The following SLFN13 variants were observed in gnomAD, a reference collection of about 807,000 sequenced individuals.
SLFN13 encodes the protein schlafen-13.
A neutral mutation model predicts 50.6 loss-of-function variants in SLFN13; 43 were observed. The observed-to-expected ratio is 0.85, with a 90% CI of 0.67 to 1.09. The LOEUF is 1.09. SLFN13 is among the 50% of genes least tolerant of loss of function. The pLI is 0.00. For missense variants in SLFN13, 881 were observed against 1,071.1 expected, an observed-to-expected ratio of 0.82 and a Z score of 2.48; for synonymous variants, 339 against 386.5, an observed-to-expected ratio of 0.88 and a Z score of 1.44.
At chr17:35,442,396 TA>T in intron 4 of SLFN13, 110 bp from the exon 5 acceptor site, 1 of 1,259,224 alleles carries the variant, frequency 7.9e-7, no homozygotes, top group Non-Finnish European at 1.1e-6. Flanking sequence ...TTGTACAATT[TA>T]ACAGAAATTC....
At position 35,443,931 on chromosome 17, in the gene SLFN13, G is replaced by A. The variant is rs532859622; in HGVS notation, c.1067-11C>T. On this transcript the variant is annotated splice_polypyrimidine_tract_variant and intron_variant, in intron 3 of 5. Transcript: ENST00000285013. ...AGTCTGGAGGAAACTCTGAAAGAAA[G>A]AACATTTTAATTTACACTATATGAT... 7.4e-6 allele frequency: 12 copies of A among 1,611,640 alleles called. No homozygotes were observed. In the African/African-American group the frequency reaches 1.2e-4, roughly 16 times the overall value.
Position 35,439,184 on chromosome 17 carries a change from A to G in SLFN13, c.*1411T>C, listed in dbSNP as rs1156855021. On this transcript the variant is annotated 3_prime_UTR_variant, in exon 6 of 6. Transcript: ENST00000285013. ...AACAAGCTCTCTGGGGTCTCTCCCT[A>G]TAAGGACACCAGTCTTAGCAGATCA... 1 of 152,064 alleles carries G rather than the reference A, an allele frequency of 6.6e-6. No homozygotes were observed. Among genetic ancestry groups the G allele is most frequent in the African/African-American group, 2.4e-5 (1 of 41,402 alleles). The allele number at this position is 152,064 out of a possible 1,614,324, so 9.4% of individuals were successfully genotyped here.
chr17:35,442,218 G>C lies in SLFN13; in HGVS notation c.1267C>G (p.Leu423Val), dbSNP rs1215138700. The change falls in exon 5 of 6, where the codon CTA (leucine) becomes GTA (valine). Residue 423 changes from leucine (L) to valine (V), a missense_variant. This residue lies in a region of SLFN13 where 497 missense variants were observed against 518.3 expected (regional missense o/e 0.96). Coordinates refer to ENST00000285013, the MANE Select transcript of SLFN13 (RefSeq NM_144682.6). ...ATTTGCTTGTGTATTAACTCCTTTA[G>C]TCCTTCATGCTGTAAAGACAGCTCC... is the stretch of plus-strand genomic sequence containing the variant. ...WKELSLQHEG[L>V]KELIHKQMRP... is the part of the protein sequence containing the mutation. 13 of 1,613,566 alleles carry C rather than the reference G, an allele frequency of 8.1e-6. No homozygotes were observed. The highest frequency in any genetic ancestry group is 1.1e-5 in the Non-Finnish European group (13 of 1,179,704).
intron 3 of SLFN13, among the ~76,000 whole-genome samples, chr17:35,444,279 T>C (rs1913074719): frequency 6.6e-6 from 1 of 152,216 alleles, no homozygotes; most frequent in Non-Finnish European, 1.5e-5. Context: ...CAACCAACAC[T>C]AGCTCTTGTC....
chr17:35,444,555 G>A (rs1597807124), intron 3 of SLFN13, 60 bp downstream of exon 3: 2 of 1,422,704 alleles, frequency 1.4e-6, no homozygotes, highest in East Asian at 2.3e-5. Flanking sequence ...GAATAAAGAA[G>A]GAAGTGGTAT....
Position 35,436,783 on chromosome 17 carries a change from G to C in SLFN13, c.*3812C>G, listed in dbSNP as rs1409637350. The C allele has an allele frequency of 1.3e-5, 2 of 152,054 alleles. No homozygotes were observed. The highest frequency in any genetic ancestry group is 2.9e-5 in the Non-Finnish European group (2 of 68,020). 9.4% of individuals were successfully genotyped at this position (152,054 alleles called of 1,614,324 possible). ...TCAATAGTGTCAAAGATATGACAAA[G>C]ACAGATTAACATCTCCAGATTAAAT... On this transcript the variant is annotated 3_prime_UTR_variant, in exon 6 of 6. Coordinates refer to ENST00000285013, the MANE Select transcript of SLFN13 (RefSeq NM_144682.6).
chr17:35,444,174 G>C (rs868270091), intron 3 of SLFN13, among the ~76,000 whole-genome samples: 2 of 152,248 alleles, frequency 1.3e-5, no homozygotes, highest in Middle Eastern at 3.4e-3. Context: ...TTCTTTGCTT[G>C]AATTGCAGTG....
intron 2 of SLFN13, among the ~76,000 whole-genome samples, chr17:35,446,167 G>A (rs1006815201): frequency 6.6e-6 from 1 of 152,192 alleles, no homozygotes; most frequent in Non-Finnish European, 1.5e-5. Context: ...CATTGAAAAG[G>A]AGACTGTAGA....
Position 35,435,680 on chromosome 17 carries a change from C to A in SLFN13, c.*4915G>T, listed in dbSNP as rs1912628352. 1 of 152,070 alleles carries A rather than the reference C, an allele frequency of 6.6e-6. No individual in the cohort carries two copies. The highest frequency in any genetic ancestry group is 6.5e-5 in the Admixed American group (1 of 15,272). 9.4% of individuals were successfully genotyped at this position (152,070 alleles called of 1,614,324 possible). A position where few individuals can be genotyped will look rare whatever the true frequency, so the allele number is the denominator to read the frequency against. On this transcript the variant is annotated 3_prime_UTR_variant, in exon 6 of 6. Coordinates refer to ENST00000285013, the MANE Select transcript of SLFN13 (RefSeq NM_144682.6). ...GTCCTTATTATGAATGGATGTTGAA[C>A]TTTATCAAAAGCTTTTTCCTCTATT...
chr17:35,445,652 A>G lies in SLFN13; in HGVS notation c.29T>C (p.Val10Ala). 3 of 1,611,744 alleles carry G rather than the reference A, an allele frequency of 1.9e-6. No homozygotes were observed. The highest frequency in any genetic ancestry group is 1.1e-5 in the South Asian group (1 of 90,806). Residue 10 changes from valine (V) to alanine (A), a missense_variant, in exon 3 of 6, where the codon GTG becomes GCG. Physicochemically the swap from Val to Ala is moderately conservative, Grantham distance 64. Transcript: ENST00000285013. Reference sequence around the variant, plus strand: ...GACCAGGTCTGGGTAAGATGGATACACACCCAGGGAGCAGTGATTTGCCTC... The same window carrying G: ...GACCAGGTCTGGGTAAGATGGATACGCACCCAGGGAGCAGTGATTTGCCTC... MEANHCSLG[V>A]YPSYPDLVID...
At position 35,441,216 on chromosome 17, in the gene SLFN13, T is replaced by A. The variant is rs2142076476; in HGVS notation, c.2073A>T (p.Glu691Asp). Residue 691 changes from glutamate (E) to aspartate (D), a missense_variant, in exon 6 of 6, where the codon GAA (glutamate) becomes GAT (aspartate). By Grantham distance (45) the Glu-to-Asp change is conservative. Coordinates refer to ENST00000285013, the MANE Select transcript of SLFN13 (RefSeq NM_144682.6). ...YRKAKTITQREKDCPGVLWIF... is the reference protein window; with the variant it reads ...YRKAKTITQRDKDCPGVLWIF... ...TCCAGAGAACTCCTGGACAATCCTT[T>A]TCTCTCTGAGTGATGGTTTTTGCCT... 3 of 1,614,084 alleles carry A rather than the reference T, an allele frequency of 1.9e-6. No homozygotes were observed. The highest frequency in any genetic ancestry group is 2.5e-6 in the Non-Finnish European group (3 of 1,180,002).
intron 2 of SLFN13, 96 bp from the exon 3 acceptor site, chr17:35,445,789 G>T (rs1913188210): frequency 1.9e-6 from 2 of 1,032,224 alleles, no homozygotes; most frequent in Non-Finnish European, 2.7e-6. Flanking sequence ...TGTCTAATAT[G>T]TGCTGGGATA....
In SLFN13 at chr17:35,441,055, A is replaced by C. The variant is rs778167664; in HGVS notation, c.2234T>G (p.Met745Arg). 4.3e-6 allele frequency: 7 copies of C among 1,613,692 alleles called. No individual in the cohort carries two copies. The highest frequency in any genetic ancestry group is 4.2e-6 in the Non-Finnish European group (5 of 1,180,008). The stretch of plus-strand genomic sequence containing the variant: ...TGGAGGATTTTCTATAATTAGTTGC[A>C]TTTCTTGTTGTATGTACTCGGCTAT... ...DEIAEYIQQE[M>R]QLIIENPPIN... The change falls in exon 6 of 6, where the codon ATG (methionine) becomes AGG (arginine). Residue 745 changes from methionine to arginine, a missense_variant. Physicochemically the swap from Met to Arg is moderately conservative, Grantham distance 91. Around this residue, in one of 5 missense-constraint regions of SLFN13, gnomAD observed 322 missense variants for 327.4 expected, o/e 0.98. Coordinates refer to ENST00000285013, the MANE Select transcript of SLFN13 (RefSeq NM_144682.6).
rs1454032118 is a variant in SLFN13, at chr17:35,440,681, G to A, written c.2608C>T (p.Pro870Ser). The change falls in exon 6 of 6, where the codon CCA becomes TCA. Residue 870 changes from proline to serine, a missense_variant. Physicochemically the swap from Pro to Ser is moderately conservative, Grantham distance 74. This residue lies in a region of SLFN13 where 322 missense variants were observed against 327.4 expected (regional missense o/e 0.98). Transcript: ENST00000285013. ...AAGATAGCTGGGTCAGCTGTCCTTG[G>A]ATGGATCCCAAACACTATGCTCCTT... Reference protein sequence around the residue: ...LERSIVFGIHPRTADPAILPN... With the variant: ...LERSIVFGIHSRTADPAILPN... 4 of 1,614,018 alleles carry A rather than the reference G, an allele frequency of 2.5e-6. No individual in the cohort carries two copies. Among genetic ancestry groups the A allele is most frequent in the Non-Finnish European group, 3.4e-6 (4 of 1,180,026 alleles).
rs551393418 is a variant in SLFN13, at chr17:35,444,608, C to G, written c.1066+7G>C. ...GGTCAGGAAGGGAGAATCTGGTTCC[C>G]TCTTACCTGGATCTGCGTCCATCAT... On this transcript the variant is annotated splice_region_variant and intron_variant, in intron 3 of 5. Coordinates refer to ENST00000285013, the MANE Select transcript of SLFN13 (RefSeq NM_144682.6). 3.1e-6 allele frequency: 5 copies of G among 1,611,834 alleles called. No homozygotes were observed. The highest frequency in any genetic ancestry group is 4.2e-6 in the Non-Finnish European group (5 of 1,178,418).
chr17:35,442,220 C>T lies in SLFN13; in HGVS notation c.1265G>A (p.Gly422Glu), dbSNP rs558489561. Residue 422 changes from glycine to glutamate, a missense_variant, in exon 5 of 6, where the codon GGA becomes GAA. By Grantham distance (98) the Gly-to-Glu change is moderately conservative. Transcript: ENST00000285013. ...LWKELSLQHE[G>E]LKELIHKQMR... ...TTGCTTGTGTATTAACTCCTTTAGT[C>T]CTTCATGCTGTAAAGACAGCTCCTT... The T allele has an allele frequency of 1.7e-5, 28 of 1,613,472 alleles. No individual in the cohort carries two copies. In the South Asian group the frequency reaches 3.0e-4, roughly 17 times the overall value.
chr17:35,442,016 G>GT lies in SLFN13; in HGVS notation c.1468dup (p.Thr490AsnfsTer31). 1 of 1,614,294 alleles carries GT rather than the reference G, an allele frequency of 6.2e-7. No homozygotes were observed. Among genetic ancestry groups the GT allele is most frequent in the Non-Finnish European group, 8.5e-7 (1 of 1,180,048 alleles). On this transcript the variant is annotated frameshift_variant, in exon 5 of 6. Transcript: ENST00000285013. LOFTEE classifies it high-confidence loss of function. ...TAGCTTCTGCTTCAAAGTAAAGGCGGTGCGAGTGCAGTAGTCCTGGCCCTC... is the reference window on the plus strand; with the variant it reads ...TAGCTTCTGCTTCAAAGTAAAGGCGGTTGCGAGTGCAGTAGTCCTGGCCCTC...
intron 1 of SLFN13, among the ~76,000 whole-genome samples, chr17:35,448,008 C>G (rs1234791453): frequency 4.6e-5 from 7 of 150,796 alleles, no homozygotes. Context: ...AGGTGCGCGC[C>G]ACCAGGCCCG....
rs1912936256 is a variant in SLFN13, at chr17:35,442,057, G to C, written c.1428C>G (p.Leu476=). ...QNSTPILYTI[L]REQDAEGQDY... ...CCTGGCCCTCTGCATCCTGCTCCCT[G>C]AGAATGGTGTAGAGAATGGGGGTGC... The change falls in exon 5 of 6, where the codon CTC becomes CTG. Residue 476 remains leucine (L), a synonymous_variant. Transcript: ENST00000285013. 6.2e-7 allele frequency: 1 copy of C among 1,614,182 alleles called. No individual in the cohort carries two copies. Among genetic ancestry groups the C allele is most frequent in the African/African-American group, 1.3e-5 (1 of 74,964 alleles).
Sources: gnomAD v4.1 joint callset for allele counts (sites outside exome capture counted in the v4.1 genomes callset) on GRCh38, gnomAD v4.1.1 for gene constraint, gnomAD v4.1.1 regional missense constraint, MANE v1.5 for transcripts, NCBI Gene and HGNC (gene_info 2026-07-23, HGNC 2026-07-21) for gene names.